Variants in ANKRD28 observed in about 807,000 individuals in gnomAD.
ANKRD28 encodes the protein serine/threonine-protein phosphatase 6 regulatory ankyrin repeat subunit A.
In ANKRD28, 44 loss-of-function variants were observed where a neutral mutation model predicts 126.5. The observed-to-expected ratio is 0.35, with a 90% CI of 0.27 to 0.45. The LOEUF (loss-of-function observed/expected upper bound fraction) is 0.45, where lower values mean the gene tolerates loss of function less well. Ranked by LOEUF, ANKRD28 falls within the 20% of genes least tolerant of loss-of-function variation. The pLI is 1.00. For missense variants in ANKRD28, 1,110 were observed against 1,316.6 expected (o/e 0.84, Z 2.43); for synonymous variants, 442 against 468.5 (o/e 0.94, Z 0.73).
chr3:15,787,028 G>C (rs1043934010), intron 2 of ANKRD28, among the ~76,000 whole-genome samples: 1 of 151,766 alleles, frequency 6.6e-6, no homozygotes, highest in African/African-American at 2.4e-5. Context: ...CAATGAAGAG[G>C]GTTAATAATA....
rs753552247 is a variant in ANKRD28, at chr3:15,685,302, T to G, written c.2313A>C (p.Ser771=). Residue 771 remains serine (S), a synonymous_variant, in exon 21 of 28, where the codon TCA becomes TCC. Transcript: ENST00000683139. ...HIGVLGALLQ[S]AASMDANPAT... ...CTGGATTTGCATCCATAGATGCTGC[T>G]GACTGCAAAAGGGCTCCAAGAACAC... is the stretch of plus-strand genomic sequence containing the variant. The G allele has an allele frequency of 6.2e-7, 1 of 1,614,048 alleles. No individual in the cohort carries two copies. The highest frequency in any genetic ancestry group is 1.1e-5 in the South Asian group (1 of 91,092).
chr3:15,726,761 T>C (rs2074201718), intron 6 of ANKRD28, among the ~76,000 whole-genome samples: 1 of 152,192 alleles, frequency 6.6e-6, no homozygotes, highest in African/African-American at 2.4e-5. Flanking sequence ...ATCAAGGACT[T>C]TCGTTGCTAG....
At position 15,678,308 on chromosome 3, in the gene ANKRD28, G is replaced by A. The variant is rs929821181; in HGVS notation, c.2608C>T (p.Gln870Ter). 6.2e-7 allele frequency: 1 copy of A among 1,612,716 alleles called. No homozygotes were observed. The highest frequency in any genetic ancestry group is 8.5e-7 in the Non-Finnish European group (1 of 1,179,554). Residue 870 changes from glutamine to a stop codon, truncating the protein, a stop_gained, in exon 24 of 28, where the codon CAG becomes TAG. Coordinates refer to ENST00000683139, the MANE Select transcript of ANKRD28 (RefSeq NM_001349278.2). LOFTEE classifies it high-confidence loss of function. ...AAFTDHVECL[Q>*]LLLSHNAQVN... ...TGAGCATTATGGCTGAGCAGCAGCTGTAAACACTCTACATGGTCTGTGAAG... is the reference window on the plus strand; with the variant it reads ...TGAGCATTATGGCTGAGCAGCAGCTATAAACACTCTACATGGTCTGTGAAG...
intron 14 of ANKRD28, among the ~76,000 whole-genome samples, chr3:15,697,767 C>A (rs1475744367): frequency 1.3e-5 from 2 of 152,120 alleles, no homozygotes; most frequent in African/African-American, 4.8e-5. Context: ...GGGAGGATTC[C>A]CTCTTTTTCT....
intron 3 of ANKRD28, among the ~76,000 whole-genome samples, chr3:15,754,177 A>G (rs2058032863): frequency 1.3e-5 from 2 of 152,206 alleles, no homozygotes; most frequent in Admixed American, 1.3e-4. Context: ...AATTCCAGAA[A>G]TAAATAATTC....
At chr3:15,786,272 TGTG>T (rs1268038163) in intron 2 of ANKRD28, among the ~76,000 whole-genome samples, 1 of 152,148 alleles carries the variant, frequency 6.6e-6, no homozygotes, top group East Asian at 1.9e-4. Flanking sequence ...GCTATTCATT[TGTG>T]GTGGCAGTAA....
Position 15,845,158 on chromosome 3 carries a change from T to C in ANKRD28, c.27+14219A>G, listed in dbSNP as rs1334972234. On this transcript the variant is annotated intron_variant, in intron 1 of 27. Coordinates refer to the ANKRD28 transcript ENST00000399451. The surrounding 1 kb of genome is among the most constrained non-coding windows in gnomAD (Gnocchi z 4.9). The stretch of plus-strand genomic sequence containing the variant: ...CACCTCCAACACTGGGGATTATAAC[T>C]AGAAATGAGATTTAGGCACACAAAT... 6.6e-6 allele frequency among the ~76,000 whole-genome samples: 1 copy of C among 152,204 alleles called. No individual in the cohort carries two copies. Among genetic ancestry groups the C allele is most frequent in the Non-Finnish European group, 1.5e-5 (1 of 68,026 alleles).
intron 1 of ANKRD28, among the ~76,000 whole-genome samples, chr3:15,829,383 T>C (rs987591854): frequency 3.9e-5 from 6 of 152,182 alleles, no homozygotes; most frequent in African/African-American, 1.4e-4. Flanking sequence ...TGGTAGCATA[T>C]TTTTAGATAC....
chr3:15,806,446 C>A (rs1024366765), intron 1 of ANKRD28, among the ~76,000 whole-genome samples: 1 of 152,104 alleles, frequency 6.6e-6, no homozygotes, highest in Non-Finnish European at 1.5e-5. Flanking sequence ...TATAGCTGAT[C>A]TTAAAATTAG....
intron 4 of ANKRD28, among the ~76,000 whole-genome samples, chr3:15,739,023 C>T (rs534314514): frequency 1.1e-4 from 17 of 152,292 alleles, no homozygotes; most frequent in Admixed American, 7.2e-4. Flanking sequence ...CTGTTCCGCC[C>T]GGCTCTCAGG....
At chr3:15,772,408 C>T (rs1366512053) in intron 2 of ANKRD28, among the ~76,000 whole-genome samples, 1 of 152,002 alleles carries the variant, frequency 6.6e-6, no homozygotes, top group African/African-American at 2.4e-5. Context: ...GATACCAAAA[C>T]CAGACAATTA....
chr3:15,826,631 T>C (rs767183194), intron 1 of ANKRD28, among the ~76,000 whole-genome samples: 1 of 152,212 alleles, frequency 6.6e-6, no homozygotes, highest in Non-Finnish European at 1.5e-5. Flanking sequence ...CACAGCTGTT[T>C]ATTCCTAGTG....
In ANKRD28 at chr3:15,679,526, T is replaced by C. The variant is rs2067299842; in HGVS notation, c.2427A>G (p.Glu809=). The change falls in exon 22 of 28, where the codon GAA becomes GAG. Residue 809 remains glutamate (E), a synonymous_variant. Coordinates refer to ENST00000683139, the MANE Select transcript of ANKRD28 (RefSeq NM_001349278.2). ...CATTTCCTTCCGTTTTCTGGAAAAC[T>C]TCCTGTTCTAAAAGCAGTTCTACAC... The part of the protein sequence containing the change: ...ETCVELLLEQ[E]VFQKTEGNAF... The C allele has an allele frequency of 6.2e-7, 1 of 1,613,400 alleles. No individual in the cohort carries two copies. Among genetic ancestry groups the C allele is most frequent in the Admixed American group, 1.7e-5 (1 of 59,920 alleles).
chr3:15,742,166 G>T (rs2057085107), intron 4 of ANKRD28, among the ~76,000 whole-genome samples: 1 of 151,842 alleles, frequency 6.6e-6, no homozygotes, highest in East Asian at 1.9e-4. Flanking sequence ...CACCCCGTCT[G>T]GGAAGTGAGG....
chr3:15,706,159 T>TA (rs2071354193), intron 14 of ANKRD28, among the ~76,000 whole-genome samples: 1 of 152,150 alleles, frequency 6.6e-6, no homozygotes, highest in East Asian at 1.9e-4. Flanking sequence ...GGCACATATG[T>TA]ATACATGTGC....
rs536186327 is a variant in ANKRD28, at chr3:15,786,892, T to G, written c.201+8331A>C. Among the ~76,000 whole-genome samples the G allele has an allele frequency of 1.6e-4, 24 of 152,198 alleles. No individual in the cohort carries two copies. In the South Asian group the frequency reaches 4.4e-3, roughly 28 times the overall value. On this transcript the variant is annotated intron_variant, in intron 2 of 27. Transcript: ENST00000683139. ...CTAAAATTGCTTTAAATACTGAACC[T>G]AGAGGAAAGGTAGTCTATGAAGTTA... is the stretch of plus-strand genomic sequence containing the variant.
At position 15,796,641 on chromosome 3, in the gene ANKRD28, G is replaced by T; in HGVS notation, c.-120C>A. The T allele has an allele frequency of 4.6e-6, 4 of 878,922 alleles. No individual in the cohort carries two copies. Among genetic ancestry groups the T allele is most frequent in the Non-Finnish European group, 5.3e-6 (4 of 750,120 alleles). 54.4% of individuals were successfully genotyped at this position (878,922 alleles called of 1,614,324 possible). A position where few individuals can be genotyped will look rare whatever the true frequency, so the allele number is the denominator to read the frequency against. ...CAAACATTCTCTGAACAGCACAGCT[G>T]GGTTTTTTTTTTTTTTAAAGTTAAT... On this transcript the variant is annotated 5_prime_UTR_variant, in exon 1 of 28. Coordinates refer to ENST00000683139, the MANE Select transcript of ANKRD28 (RefSeq NM_001349278.2).
intron 7 of ANKRD28, among the ~76,000 whole-genome samples, chr3:15,724,109 A>C (rs1359753386): frequency 6.6e-6 from 1 of 152,226 alleles, no homozygotes; most frequent in Non-Finnish European, 1.5e-5. Context: ...CCCATAAATG[A>C]AATGGAACTA....
intron 1 of ANKRD28, among the ~76,000 whole-genome samples, chr3:15,822,732 A>G (rs999313480): frequency 4.6e-5 from 7 of 152,136 alleles, no homozygotes; most frequent in African/African-American, 1.7e-4. Flanking sequence ...ATGTCATCTC[A>G]CCAATTAGAG....
Sources: allele counts gnomAD v4.1 joint callset (sites outside exome capture counted in the v4.1 genomes callset), GRCh38; gene constraint gnomAD v4.1.1; non-coding constraint Gnocchi (gnomAD v3.1); transcripts MANE v1.5; gene names NCBI Gene and HGNC (gene_info 2026-07-23, HGNC 2026-07-21).